MTCH2: variants seen among roughly 807,000 people sequenced by gnomAD.
The protein encoded by MTCH2 is mitochondrial carrier 2.
In MTCH2, 25 loss-of-function variants were observed where a neutral mutation model predicts 50.6. That is an observed-to-expected ratio of 0.49 (90% confidence interval 0.36 to 0.69). The LOEUF is 0.69. Ranked by LOEUF, MTCH2 falls within the 30% of genes least tolerant of loss-of-function variation. MTCH2 has a pLI of 0.00. For missense variants in MTCH2, 273 were observed against 384.4 expected, an observed-to-expected ratio of 0.71 and a Z score of 2.42; for synonymous variants, 106 against 132.0, an observed-to-expected ratio of 0.80 and a Z score of 1.35.
At chr11:47,607,782 G>A in the MTCH2 span, among the ~76,000 whole-genome samples, 2 of 152,194 alleles carry the variant, frequency 1.3e-5, no homozygotes, top group African/African-American at 4.8e-5. Context: ...CGATGCCCTT[G>A]TTTGAACCCC....
chr11:47,623,376 T>C (rs4752855), intron 11 of MTCH2, among the ~76,000 whole-genome samples: 1 of 101,648 alleles, frequency 9.8e-6, no homozygotes, highest in East Asian at 2.8e-4. Flanking sequence ...AGTCTTTTTT[T>C]AAAAAAAAAA....
At position 47,642,525 on chromosome 11, in the gene MTCH2, G is replaced by C; in HGVS notation, c.-60C>G. The C allele has an allele frequency of 6.7e-7, 1 of 1,482,236 alleles. No homozygotes were observed. The highest frequency in any genetic ancestry group is 9.1e-7 in the Non-Finnish European group (1 of 1,101,586). 91.8% of individuals were successfully genotyped at this position (1,482,236 alleles called of 1,614,324 possible). A position where few individuals can be genotyped will look rare whatever the true frequency, so the allele number is the denominator to read the frequency against. ...AGCCACCAAGCGACCCGGTGAGCCG[G>C]TCCTAGGTCACGTGCCAGGGCCGCC... On this transcript the variant is annotated 5_prime_UTR_variant, in exon 1 of 13. Coordinates refer to ENST00000302503, the MANE Select transcript of MTCH2 (RefSeq NM_014342.4).
At chr11:47,613,521 T>C (rs915404732), downstream of MTCH2, among the ~76,000 whole-genome samples, 7 of 152,312 alleles carry the variant, frequency 4.6e-5, no homozygotes, top group Non-Finnish European at 1.0e-4. Flanking sequence ...TTAGGAGTTC[T>C]ACTACACTGA....
chr11:47,605,702 A>G, the MTCH2 span, among the ~76,000 whole-genome samples: 4 of 152,138 alleles, frequency 2.6e-5, no homozygotes, highest in African/African-American at 7.2e-5. Flanking sequence ...AGTTACATGA[A>G]TCCACCTGAC....
chr11:47,631,341 T>G (rs1270976874), intron 6 of MTCH2, among the ~76,000 whole-genome samples: 2 of 152,076 alleles, frequency 1.3e-5, no homozygotes, highest in Non-Finnish European at 2.9e-5. Context: ...CCCGGAAGGC[T>G]GAGGTTGCAG....
At chr11:47,635,457 T>C in intron 4 of MTCH2, 88 bp downstream of exon 4, 1 of 1,411,090 alleles carries the variant, frequency 7.1e-7, no homozygotes, top group South Asian at 1.2e-5. Flanking sequence ...GGAGACTGAC[T>C]ACTTGGCTTT....
At chr11:47,609,847 G>C in the MTCH2 span, among the ~76,000 whole-genome samples, 4 of 152,270 alleles carry the variant, frequency 2.6e-5, no homozygotes, top group East Asian at 7.7e-4. Context: ...TGCAGCAACA[G>C]CTGAGCAGAG....
downstream of MTCH2, among the ~76,000 whole-genome samples, chr11:47,616,682 C>CTT (rs1313533322): frequency 7.3e-6 from 1 of 137,588 alleles, no homozygotes. Flanking sequence ...CTTTTTTTTT[C>CTT]TTTTTTTTTT....
chr11:47,641,650 T>C (rs2097314300), intron 1 of MTCH2, among the ~76,000 whole-genome samples: 1 of 152,228 alleles, frequency 6.6e-6, no homozygotes, highest in Admixed American at 6.5e-5. Context: ...TAATAATTAT[T>C]TGACAGTAGA....
At chr11:47,635,140 G>A (rs539240261) in intron 4 of MTCH2, among the ~76,000 whole-genome samples, 1 of 152,106 alleles carries the variant, frequency 6.6e-6, no homozygotes, top group African/African-American at 2.4e-5. Flanking sequence ...GTGCAGTGAT[G>A]TGATCATGGA....
At chr11:47,633,522 ATATATTTT>A (rs1377254935) in intron 5 of MTCH2, among the ~76,000 whole-genome samples, 2 of 26,528 alleles carry the variant, frequency 7.5e-5, no homozygotes, top group South Asian at 1.8e-3. Context: ...ATATATATAT[ATATATTTT>A]TTTTTTTTTT....
At chr11:47,638,493 C>A (rs2097310812) in intron 3 of MTCH2, among the ~76,000 whole-genome samples, 1 of 125,162 alleles carries the variant, frequency 8.0e-6, no homozygotes, top group South Asian at 2.9e-4. Context: ...TTGCAGTGAG[C>A]CCAGATCGCG....
chr11:47,612,046 T>C, the MTCH2 span, among the ~76,000 whole-genome samples: 1 of 152,120 alleles, frequency 6.6e-6, no homozygotes, highest in African/African-American at 2.4e-5. Context: ...ATGGGGAAGA[T>C]TGGATAGAAG....
At chr11:47,615,562 T>G (rs2097287892), downstream of MTCH2, among the ~76,000 whole-genome samples, 1 of 151,738 alleles carries the variant, frequency 6.6e-6, no homozygotes. Context: ...TATAGTTAAG[T>G]CAAGGTATGC....
chr11:47,632,990 A>G (rs1011730353), intron 5 of MTCH2, among the ~76,000 whole-genome samples: 6 of 151,824 alleles, frequency 4.0e-5, no homozygotes, highest in South Asian at 4.2e-4. Flanking sequence ...GTGAGCCACC[A>G]CACCCGGCCT....
chr11:47,634,252 A>AT (rs922779933), intron 5 of MTCH2, among the ~76,000 whole-genome samples: 6 of 151,468 alleles, frequency 4.0e-5, no homozygotes, highest in Non-Finnish European at 7.4e-5. Context: ...TAATTTTTCT[A>AT]TTTTTTTTGT....
intron 3 of MTCH2, among the ~76,000 whole-genome samples, chr11:47,636,695 G>A (rs558664426): frequency 6.6e-6 from 1 of 151,694 alleles, no homozygotes; most frequent in Non-Finnish European, 1.5e-5. Flanking sequence ...CCATGCCATT[G>A]CACTCCAGCC....
chr11:47,637,189 C>T lies in MTCH2; in HGVS notation c.279+1510G>A, dbSNP rs1156510904. Reference sequence around the variant, plus strand: ...ATTTTTAGTAGAGACAGTGTTTCACCATGTTGGCCAGGCTGGTCTCAAACT... The same window carrying T: ...ATTTTTAGTAGAGACAGTGTTTCACTATGTTGGCCAGGCTGGTCTCAAACT... On this transcript the variant is annotated intron_variant, in intron 3 of 12. Coordinates refer to ENST00000302503, the MANE Select transcript of MTCH2 (RefSeq NM_014342.4). Among the ~76,000 whole-genome samples the T allele has an allele frequency of 2.0e-5, 3 of 152,236 alleles. No homozygotes were observed. The South Asian group carries it at 6.2e-4, about 32-fold the overall frequency.
At chr11:47,635,827 T>C (rs1468441995) in intron 3 of MTCH2, among the ~76,000 whole-genome samples, 1 of 151,950 alleles carries the variant, frequency 6.6e-6, no homozygotes, top group Non-Finnish European at 1.5e-5. Context: ...TGAAAACTCT[T>C]CTTTGAAAAA....
Sources: allele counts gnomAD v4.1 joint callset (sites outside exome capture counted in the v4.1 genomes callset), GRCh38; gene constraint gnomAD v4.1.1; transcripts MANE v1.5; gene names NCBI Gene and HGNC (gene_info 2026-07-23, HGNC 2026-07-21).